Variants in CA10 observed in about 807,000 individuals in gnomAD.
The protein encoded by CA10 is carbonic anhydrase 10 (inactive).
A neutral mutation model predicts 44.2 loss-of-function variants in CA10; 14 were observed. The observed-to-expected ratio is 0.32, with a 90% CI of 0.21 to 0.50. The LOEUF is 0.50. CA10 is among the 20% of genes least tolerant of loss of function. The pLI, the probability that CA10 is intolerant of heterozygous loss-of-function variation, is 0.99. For missense variants in CA10, 350 were observed against 409.7 expected (o/e 0.85, Z 1.26); for synonymous variants, 159 against 141.6 (o/e 1.12, Z -0.87).
intron 1 of CA10, among the ~76,000 whole-genome samples, chr17:52,084,252 C>T (rs373164049): frequency 1.3e-5 from 2 of 152,170 alleles, no homozygotes; most frequent in East Asian, 3.8e-4. Flanking sequence ...GTCAATTTGC[C>T]ATGGTGGGAC....
intron 2 of CA10, among the ~76,000 whole-genome samples, chr17:51,972,009 C>T (rs940989704): frequency 3.3e-5 from 5 of 151,786 alleles, no homozygotes; most frequent in Non-Finnish European, 5.9e-5. Flanking sequence ...AAAAAATAAG[C>T]ACAATTTTTT....
intron 3 of CA10, among the ~76,000 whole-genome samples, chr17:51,769,573 T>C (rs566010454): frequency 1.1e-4 from 16 of 152,278 alleles, no homozygotes; most frequent in African/African-American, 3.6e-4. Context: ...GCAGAATTGG[T>C]AGACATCAGC....
intron 3 of CA10, among the ~76,000 whole-genome samples, chr17:51,902,792 C>T (rs1012933065): frequency 6.6e-6 from 1 of 152,200 alleles, no homozygotes; most frequent in Admixed American, 6.5e-5. Context: ...ATGCAACACT[C>T]ATTGATTGCA....
At chr17:51,996,027 T>C (rs1985223468) in intron 2 of CA10, among the ~76,000 whole-genome samples, 1 of 152,116 alleles carries the variant, frequency 6.6e-6, no homozygotes, top group Non-Finnish European at 1.5e-5. Context: ...GAAAGCTTAA[T>C]GATAATAGTA....
chr17:51,689,017 C>A (rs1043383618), intron 4 of CA10, among the ~76,000 whole-genome samples: 13 of 152,264 alleles, frequency 8.5e-5, no homozygotes, highest in African/African-American at 2.6e-4. Flanking sequence ...AACGGAGGCA[C>A]AGATTTAAGC....
chr17:52,065,460 CT>C (rs1987510442), intron 2 of CA10, among the ~76,000 whole-genome samples: 1 of 152,146 alleles, frequency 6.6e-6, no homozygotes, highest in Admixed American at 6.5e-5. Flanking sequence ...CATTGAGCCC[CT>C]GGTGCATGGA....
At chr17:52,111,601 C>T (rs1406317669) in intron 1 of CA10, among the ~76,000 whole-genome samples, 1 of 152,066 alleles carries the variant, frequency 6.6e-6, no homozygotes, top group Non-Finnish European at 1.5e-5. Flanking sequence ...GTATCAGCAG[C>T]CTTACACTCT....
At chr17:51,656,612 AT>A (rs763067160) in intron 4 of CA10, among the ~76,000 whole-genome samples, 57 of 152,224 alleles carry the variant, frequency 3.7e-4, no homozygotes, top group Non-Finnish European at 7.8e-4. Flanking sequence ...TATTTTGAAT[AT>A]GAGTTTTGAG....
chr17:52,014,444 T>G (rs1985905484), intron 2 of CA10, among the ~76,000 whole-genome samples: 1 of 152,024 alleles, frequency 6.6e-6, no homozygotes, highest in Admixed American at 6.6e-5. Context: ...ATTGGATCCC[T>G]ACTTCATATT....
intron 3 of CA10, among the ~76,000 whole-genome samples, chr17:51,774,230 T>C (rs1486867953): frequency 6.6e-6 from 1 of 152,220 alleles, no homozygotes; most frequent in African/African-American, 2.4e-5. Flanking sequence ...GTTCAACCCA[T>C]GAAGCTGTCA....
chr17:51,849,743 A>T (rs1425112196), intron 3 of CA10, among the ~76,000 whole-genome samples: 2 of 152,172 alleles, frequency 1.3e-5, no homozygotes, highest in Non-Finnish European at 2.9e-5. Context: ...AAGGAAGTAC[A>T]GGTCAGAAAG....
intron 2 of CA10, among the ~76,000 whole-genome samples, chr17:51,983,676 G>T (rs866453278): frequency 2.6e-5 from 4 of 151,636 alleles, no homozygotes; most frequent in South Asian, 4.2e-4. Context: ...ACCATGTCTG[G>T]CTGTATATCA....
intron 3 of CA10, among the ~76,000 whole-genome samples, chr17:51,819,019 G>A (rs1335288004): frequency 6.6e-6 from 1 of 152,138 alleles, no homozygotes; most frequent in African/African-American, 2.4e-5. Context: ...GCAGGAAAGA[G>A]GCTGTGATGT....
intron 3 of CA10, among the ~76,000 whole-genome samples, chr17:51,797,336 A>G (rs1906747786): frequency 1.3e-5 from 2 of 152,218 alleles, no homozygotes; most frequent in African/African-American, 4.8e-5. Context: ...CATAGCACGC[A>G]GGCGCATGCG....
chr17:51,795,458 AGC>A (rs962373174), intron 3 of CA10, among the ~76,000 whole-genome samples: 1 of 152,020 alleles, frequency 6.6e-6, no homozygotes, highest in Non-Finnish European at 1.5e-5. Flanking sequence ...AGGGCTTTTT[AGC>A]CAGAGAAAAG....
intron 2 of CA10, among the ~76,000 whole-genome samples, chr17:52,026,638 TC>T (rs1986310129): frequency 6.6e-6 from 1 of 152,086 alleles, no homozygotes; most frequent in African/African-American, 2.4e-5. Flanking sequence ...AGCAAACAGA[TC>T]CTTCTTCATG....
At chr17:52,087,833 C>G (rs1249229943) in intron 1 of CA10, among the ~76,000 whole-genome samples, 1 of 152,078 alleles carries the variant, frequency 6.6e-6, no homozygotes, top group Non-Finnish European at 1.5e-5. Context: ...GATGGGGAAA[C>G]AGAGTCCTAG....
Position 51,776,927 on chromosome 17 carries a change from G to A in CA10, c.280-29109C>T, listed in dbSNP as rs539632283. 1.5e-3 allele frequency among the ~76,000 whole-genome samples: 224 copies of A among 152,294 alleles called. 1 individual carries two copies. The highest frequency in any genetic ancestry group is 5.1e-3 in the African/African-American group (214 of 41,562). On this transcript the variant is annotated intron_variant, in intron 3 of 8. Transcript: ENST00000451037. ...TTCCTGGCACTCCAGGCCTGCCTGC[G>A]ATTGGGCAGAGCAGACTCTCACAGC...
chr17:51,649,450 G>A (rs1052098345), intron 5 of CA10, among the ~76,000 whole-genome samples, 196 bp from the exon 6 acceptor site: 3 of 152,166 alleles, frequency 2.0e-5, no homozygotes, highest in Non-Finnish European at 4.4e-5. Context: ...AGACAGGTAA[G>A]TGAACAAACT....
Sources: gnomAD v4.1 joint callset for allele counts (sites outside exome capture counted in the v4.1 genomes callset) on GRCh38, gnomAD v4.1.1 for gene constraint, MANE v1.5 for transcripts, NCBI Gene and HGNC (gene_info 2026-07-23, HGNC 2026-07-21) for gene names.